NAV3: variants seen among roughly 807,000 people sequenced by gnomAD.
NAV3 encodes the protein pore membrane and/or filament interacting like protein 1.
In NAV3, 87 loss-of-function variants were observed where a neutral mutation model predicts 244.7. That is an observed-to-expected ratio of 0.36 (90% CI 0.30 to 0.42). The LOEUF (loss-of-function observed/expected upper bound fraction) is 0.42, where lower values mean the gene tolerates loss of function less well. NAV3 is among the 20% of genes least tolerant of loss of function. The probability of loss-of-function intolerance (pLI) is 1.00; values close to 1 mark genes in which losing one functional copy is unlikely to be tolerated. For synonymous variants in NAV3, 1,126 were observed against 1,042.2 expected, an observed-to-expected ratio of 1.08 and a Z score of -1.55; for missense variants, 2,663 against 2,893.3, an observed-to-expected ratio of 0.92 and a Z score of 1.83.
chr12:77,946,706 A>C (rs1890381607), intron 3 of NAV3, among the ~76,000 whole-genome samples: 2 of 152,204 alleles, frequency 1.3e-5, no homozygotes, highest in South Asian at 4.1e-4. Context: ...AACTATAAAT[A>C]CCAGGAATGT....
intron 23 of NAV3, among the ~76,000 whole-genome samples, chr12:78,166,792 A>C (rs1957798493): frequency 6.6e-6 from 1 of 151,740 alleles, no homozygotes; most frequent in South Asian, 2.1e-4. Context: ...CTGACACTGA[A>C]ATAAGTCAGC....
chr12:78,067,051 CT>C (rs1174353462), intron 12 of NAV3, among the ~76,000 whole-genome samples: 1 of 152,058 alleles, frequency 6.6e-6, no homozygotes, highest in Non-Finnish European at 1.5e-5. Flanking sequence ...ATTTCCAAGC[CT>C]TTTCCAACTA....
At chr12:77,812,019 A>G (rs1192905140) in intron 2 of NAV3, among the ~76,000 whole-genome samples, 3 of 152,242 alleles carry the variant, frequency 2.0e-5, no homozygotes, top group Non-Finnish European at 4.4e-5. Flanking sequence ...TCAGCAAATG[A>G]ATAAATATAA....
intron 12 of NAV3, among the ~76,000 whole-genome samples, chr12:78,062,668 C>G (rs537129308): frequency 1.3e-5 from 2 of 152,176 alleles, no homozygotes; most frequent in East Asian, 3.9e-4. Context: ...GCCTTCACTT[C>G]TCCAATATAA....
At chr12:78,207,767 T>G (rs2140113796) in intron 39 of NAV3, among the ~76,000 whole-genome samples, 1 of 152,336 alleles carries the variant, frequency 6.6e-6, no homozygotes, top group Middle Eastern at 3.4e-3. Flanking sequence ...TGTTTATCAT[T>G]GCAGGAAGTT....
intron 2 of NAV3, among the ~76,000 whole-genome samples, chr12:77,628,633 C>G (rs557200081): frequency 1.9e-4 from 29 of 152,046 alleles, no homozygotes; most frequent in African/African-American, 6.7e-4. Flanking sequence ...CCTGTAATTC[C>G]AGCACTTTGG....
intron 3 of NAV3, among the ~76,000 whole-genome samples, chr12:77,959,710 T>C (rs1371154680): frequency 6.6e-6 from 1 of 151,650 alleles, no homozygotes; most frequent in Non-Finnish European, 1.5e-5. Flanking sequence ...TCCCAAAATA[T>C]AATGGTAACA....
chr12:77,930,506 A>G (rs889711343), intron 1 of NAV3, among the ~76,000 whole-genome samples: 4 of 151,922 alleles, frequency 2.6e-5, no homozygotes, highest in East Asian at 1.9e-4. Context: ...TTATAATCCA[A>G]TTCTCACACA....
chr12:77,864,870 G>A (rs973152083), intron 1 of NAV3, among the ~76,000 whole-genome samples: 10 of 151,920 alleles, frequency 6.6e-5, no homozygotes, highest in Non-Finnish European at 1.5e-4. Context: ...AGAATGTTTG[G>A]AGTAGTGTCT....
Position 78,187,467 on chromosome 12 carries a change from T to TATGAAATAA in NAV3, c.5791-781_5791-780insATGAAATAA, listed in dbSNP as rs1395163463. The stretch of plus-strand genomic sequence containing the variant: ...TCATAATCACTATTTCGTTAACCAT[T>TATGAAATAA]TCTGGTCATCATAATAGAGGCTCTA... On this transcript the variant is annotated intron_variant, in intron 31 of 39. Transcript: ENST00000397909. 2.6e-5 allele frequency among the ~76,000 whole-genome samples: 4 copies of TATGAAATAA among 151,934 alleles called. No individual in the cohort carries two copies. In the East Asian group the frequency reaches 5.8e-4, roughly 22 times the overall value.
chr12:77,734,132 T>C (rs561470857), intron 2 of NAV3, among the ~76,000 whole-genome samples: 14 of 152,120 alleles, frequency 9.2e-5, no homozygotes, highest in Non-Finnish European at 1.9e-4. Flanking sequence ...ACTGAGCCGT[T>C]TGAAGTGAGA....
intron 30 of NAV3, among the ~76,000 whole-genome samples, chr12:78,182,447 G>T (rs1032739370): frequency 6.6e-5 from 10 of 151,922 alleles, no homozygotes; most frequent in African/African-American, 2.4e-4. Flanking sequence ...TCAGACTAAT[G>T]GTAGGGTTTC....
intron 12 of NAV3, among the ~76,000 whole-genome samples, chr12:78,113,024 A>G (rs1198627812): frequency 1.3e-5 from 2 of 152,232 alleles, no homozygotes; most frequent in Non-Finnish European, 2.9e-5. Flanking sequence ...TCCAAAATCC[A>G]ATAGGGCCAT....
chr12:78,162,788 G>C (rs1173373169), intron 23 of NAV3, among the ~76,000 whole-genome samples: 3 of 149,440 alleles, frequency 2.0e-5, no homozygotes, highest in Admixed American at 6.7e-5. Context: ...CTTGAACCTG[G>C]GAGGTGGAGG....
intron 9 of NAV3, among the ~76,000 whole-genome samples, chr12:78,048,446 G>A (rs1882207433): frequency 6.6e-6 from 1 of 152,050 alleles, no homozygotes; most frequent in African/African-American, 2.4e-5. Flanking sequence ...CTTTTTGTTT[G>A]TTAGTTTTCC....
At chr12:78,043,553 G>A (rs555072346) in intron 9 of NAV3, among the ~76,000 whole-genome samples, 1 of 152,272 alleles carries the variant, frequency 6.6e-6, no homozygotes, top group Admixed American at 6.5e-5. Context: ...CACCGACAGT[G>A]TAAAGGCGTT....
At chr12:78,136,197 A>C (rs909827787) in intron 18 of NAV3, among the ~76,000 whole-genome samples, 1 of 152,222 alleles carries the variant, frequency 6.6e-6, no homozygotes, top group African/African-American at 2.4e-5. Context: ...CGGATTCCAC[A>C]GGGTTTTGAA....
At position 78,210,798 on chromosome 12, in the gene NAV3, C is replaced by T. The variant is rs61938464; in HGVS notation, c.*281C>T. The stretch of plus-strand genomic sequence containing the variant: ...GGACCCTAATGACAGGGCAACTGAA[C>T]AGATTGCACATGGGATAGCCAAACT... On this transcript the variant is annotated 3_prime_UTR_variant, in exon 40 of 40. Transcript: ENST00000397909. The T allele has an allele frequency of 0.079, 28,169 of 357,112 alleles. 2,606 individuals carry two copies. The highest frequency in any genetic ancestry group is 0.31 in the African/African-American group (14,446 of 47,022). 22.1% of individuals were successfully genotyped at this position (357,112 alleles called of 1,614,324 possible).
intron 1 of NAV3, among the ~76,000 whole-genome samples, chr12:77,850,263 T>C (rs975791712): frequency 6.6e-6 from 1 of 152,184 alleles, no homozygotes; most frequent in African/African-American, 2.4e-5. Flanking sequence ...ATTCCTCTGT[T>C]CAATAACAAT....
Sources: allele counts gnomAD v4.1 joint callset (sites outside exome capture counted in the v4.1 genomes callset), GRCh38; gene constraint gnomAD v4.1.1; transcripts MANE v1.5; gene names NCBI Gene and HGNC (gene_info 2026-07-23, HGNC 2026-07-21).